The following RBFOX1 variants were observed in gnomAD, a reference collection of about 807,000 sequenced individuals.
The protein encoded by RBFOX1 is RNA binding protein fox-1 homolog 1.
In RBFOX1, 8 loss-of-function variants were observed where a neutral mutation model predicts 57.7. The ratio of observed to expected loss-of-function variants is 0.14; its 90% CI spans 0.08 to 0.25. The LOEUF is 0.25. RBFOX1 is among the 10% of genes least tolerant of loss of function. RBFOX1 has a pLI of 1.00. For missense variants in RBFOX1, 611 were observed against 548.5 expected, an observed-to-expected ratio of 1.11 and a Z score of -1.14; for synonymous variants, 326 against 222.4, an observed-to-expected ratio of 1.47 and a Z score of -4.15.
rs138321489 is a variant in RBFOX1, at chr16:7,120,789, A to G, written c.27+68691A>G. Among the ~76,000 whole-genome samples the G allele has an allele frequency of 1.7e-3, 224 of 131,078 alleles. 2 individuals are homozygous for G. The Middle Eastern group carries it at 0.023, about 13-fold the overall frequency. 86.0% of individuals were successfully genotyped at this position (131,078 alleles called of 152,430 possible). On this transcript the variant is annotated intron_variant, in intron 4 of 15. Coordinates refer to ENST00000550418, the MANE Select transcript of RBFOX1 (RefSeq NM_018723.4). ...TTTATGAGTCTAACATTAATCTGAT[A>G]CGAAAACCAGGCTATATGTAATATT... is the stretch of plus-strand genomic sequence containing the variant.
At chr16:6,102,177 CA>C (rs371780023) in intron 1 of RBFOX1, among the ~76,000 whole-genome samples, 7,418 of 113,982 alleles carry the variant, frequency 0.065, 203 homozygotes, top group Non-Finnish European at 0.088. Flanking sequence ...CTCTTTCAGC[CA>C]AAAAAAAAAA....
intron 4 of RBFOX1, among the ~76,000 whole-genome samples, chr16:7,094,777 G>GTGTGTGTGTGTGGGT (rs1567232668): frequency 1.9e-5 from 1 of 53,602 alleles, no homozygotes; most frequent in African/African-American, 5.1e-5. Context: ...TGTGTGTGTG[G>GTGTGTGTGTGTGGGT]GTGTGTGTGT....
chr16:6,783,255 G>A (rs1223444407), intron 3 of RBFOX1, among the ~76,000 whole-genome samples: 2 of 150,938 alleles, frequency 1.3e-5, no homozygotes, highest in Admixed American at 6.6e-5. Context: ...GATAGGTGAG[G>A]ACTTACTACC....
intron 4 of RBFOX1, among the ~76,000 whole-genome samples, chr16:7,192,341 T>G (rs1206870075): frequency 6.6e-6 from 1 of 151,986 alleles, no homozygotes; most frequent in African/African-American, 2.4e-5. Flanking sequence ...TCTAAGAGAG[T>G]TGGGGTGAGA....
intron 4 of RBFOX1, among the ~76,000 whole-genome samples, chr16:7,205,117 C>A (rs927644251): frequency 6.6e-6 from 1 of 152,048 alleles, no homozygotes; most frequent in African/African-American, 2.4e-5. Flanking sequence ...TTTCTCCTCC[C>A]ACCTCCCTTC....
chr16:6,267,420 G>C (rs1226428537), intron 1 of RBFOX1, among the ~76,000 whole-genome samples: 1 of 152,144 alleles, frequency 6.6e-6, no homozygotes, highest in African/African-American at 2.4e-5. Context: ...TATAGGACTT[G>C]AGGGGTGTCC....
intron 9 of RBFOX1, among the ~76,000 whole-genome samples, chr16:7,602,363 C>G (rs1284989314): frequency 6.6e-6 from 1 of 152,150 alleles, no homozygotes; most frequent in Non-Finnish European, 1.5e-5. Flanking sequence ...TTCTCTGGCT[C>G]CATTGCCTTG....
At chr16:7,695,038 G>A (rs547905636) in intron 14 of RBFOX1, among the ~76,000 whole-genome samples, 159 of 152,268 alleles carry the variant, frequency 1.0e-3, no homozygotes, top group Non-Finnish European at 1.6e-3. Context: ...TAAGAAAGGC[G>A]ACAGAAAATG....
intron 4 of RBFOX1, among the ~76,000 whole-genome samples, chr16:5,941,899 A>G (rs967674480): frequency 6.6e-6 from 1 of 151,802 alleles, no homozygotes; most frequent in African/African-American, 2.4e-5. Flanking sequence ...CAGAAAAATA[A>G]GGAAATGTAC....
chr16:6,882,156 A>C (rs1390401462), intron 3 of RBFOX1, among the ~76,000 whole-genome samples: 1 of 152,106 alleles, frequency 6.6e-6, no homozygotes, highest in Non-Finnish European at 1.5e-5. Context: ...TAGATGCCTC[A>C]TTAATTCTGT....
At chr16:6,409,099 C>G (rs185744428) in intron 2 of RBFOX1, among the ~76,000 whole-genome samples, 138 of 152,258 alleles carry the variant, frequency 9.1e-4, no homozygotes, top group African/African-American at 3.1e-3. Flanking sequence ...CATACTACTT[C>G]AAATACTAAT....
intron 3 of RBFOX1, among the ~76,000 whole-genome samples, chr16:5,738,886 G>A (rs1374361394): frequency 6.6e-6 from 1 of 152,146 alleles, no homozygotes; most frequent in African/African-American, 2.4e-5. Context: ...TGTCAACATT[G>A]ATGCAAACAA....
At chr16:6,535,438 A>G (rs1352145156) in intron 2 of RBFOX1, among the ~76,000 whole-genome samples, 3 of 151,558 alleles carry the variant, frequency 2.0e-5, no homozygotes, top group Admixed American at 6.6e-5. Flanking sequence ...AAGAACCCCT[A>G]TGCATTTTCT....
chr16:7,064,774 C>G (rs115539359), intron 4 of RBFOX1, among the ~76,000 whole-genome samples: 4,313 of 152,262 alleles, frequency 0.028, 212 homozygotes, highest in African/African-American at 0.098. Context: ...AACTAACCAA[C>G]AAAAAGCCCC....
intron 4 of RBFOX1, among the ~76,000 whole-genome samples, chr16:7,165,896 C>G (rs117284589): frequency 2.4e-3 from 359 of 151,480 alleles, no homozygotes; most frequent in Admixed American, 3.8e-3. Flanking sequence ...ATGTTGGATT[C>G]TCTGTCTCTT....
chr16:6,965,315 T>TGTG (rs2083886975), intron 3 of RBFOX1, among the ~76,000 whole-genome samples: 12 of 147,452 alleles, frequency 8.1e-5, no homozygotes. Flanking sequence ...TTTTCTTTTG[T>TGTG]TGTGTGTGTG....
intron 4 of RBFOX1, among the ~76,000 whole-genome samples, chr16:7,424,692 A>G (rs1300564445): frequency 6.6e-6 from 1 of 152,250 alleles, no homozygotes; most frequent in Non-Finnish European, 1.5e-5. Flanking sequence ...AGGAAATGAA[A>G]GAACCTATGG....
chr16:7,512,823 G>T (rs1315187499), intron 4 of RBFOX1, among the ~76,000 whole-genome samples: 1 of 152,170 alleles, frequency 6.6e-6, no homozygotes, highest in Admixed American at 6.5e-5. Flanking sequence ...CACTCCTTTC[G>T]AATGGTCACC....
At chr16:7,530,038 C>A (rs961624425) in intron 5 of RBFOX1, among the ~76,000 whole-genome samples, 1 of 147,446 alleles carries the variant, frequency 6.8e-6, no homozygotes, top group African/African-American at 2.5e-5. Context: ...AATTTAGGAA[C>A]CTGAACCCTT....
Sources: allele counts gnomAD v4.1 joint callset (sites outside exome capture counted in the v4.1 genomes callset), GRCh38; gene constraint gnomAD v4.1.1; transcripts MANE v1.5; gene names NCBI Gene and HGNC (gene_info 2026-07-23, HGNC 2026-07-21).